Variants in GPR108 observed in about 807,000 individuals in gnomAD.
GPR108 encodes protein GPR108.
Under a neutral mutation model 74.3 loss-of-function variants are expected in GPR108, and 60 were observed. The ratio of observed to expected loss-of-function variants is 0.81; its 90% CI spans 0.66 to 1.00. The LOEUF (loss-of-function observed/expected upper bound fraction) is 1.00, where lower values mean the gene tolerates loss of function less well. Ranked by LOEUF, GPR108 falls within the 50% of genes least tolerant of loss-of-function variation. The pLI is 0.00. For synonymous variants in GPR108, 311 were observed against 292.4 expected (o/e 1.06, Z -0.65); for missense variants, 667 against 703.3 (o/e 0.95, Z 0.58).
In GPR108 at chr19:6,731,993, G is replaced by A. The variant is rs201243109; in HGVS notation, c.1256+32C>T. 809 of 1,613,558 alleles carry A rather than the reference G, an allele frequency of 5.0e-4. 1 individual carries two copies. In the African/African-American group the frequency reaches 8.6e-3, roughly 17 times the overall value. Reference sequence around the variant, plus strand: ...CGCGGACATCGCCCATGTGCACAGGGCAGAGCCTCAGCCCGGGGGCAGGGT... The same window carrying A: ...CGCGGACATCGCCCATGTGCACAGGACAGAGCCTCAGCCCGGGGGCAGGGT... On this transcript the variant is annotated intron_variant, in intron 13 of 17. Transcript: ENST00000264080.
rs774842298 is a variant in GPR108, at chr19:6,735,978, A to T, written c.241-20T>A. 17 of 1,597,796 alleles carry T rather than the reference A, an allele frequency of 1.1e-5. No homozygotes were observed. The highest frequency in any genetic ancestry group is 1.7e-5 in the Admixed American group (1 of 58,596). On this transcript the variant is annotated intron_variant, in intron 2 of 17. Coordinates refer to ENST00000264080, the MANE Select transcript of GPR108 (RefSeq NM_001080452.2). ...CCCCACCTGGTGGGTGGAAAAAAAAAGGGGAGGGTGTGAGGGACAGTAGAG... is the reference window on the plus strand; with the variant it reads ...CCCCACCTGGTGGGTGGAAAAAAAATGGGGAGGGTGTGAGGGACAGTAGAG...
intron 4 of GPR108, 112 bp downstream of exon 4, chr19:6,735,510 G>C: frequency 1.1e-6 from 1 of 891,232 alleles, no homozygotes; most frequent in Non-Finnish European, 1.8e-6. Flanking sequence ...TAAAAAGTAA[G>C]TGGCTTTCTC....
intron 1 of GPR108, 146 bp downstream of exon 1, chr19:6,737,311 A>ATC: frequency 1.9e-6 from 2 of 1,056,688 alleles, no homozygotes; most frequent in Non-Finnish European, 2.6e-6. Flanking sequence ...CCGGGACGAG[A>ATC]CCACTCCGGG....
At chr19:6,737,066 C>T (rs148380464) in intron 1 of GPR108, 6 of 385,730 alleles carry the variant, frequency 1.6e-5, no homozygotes, top group African/African-American at 1.2e-4. Flanking sequence ...TCAACAGAAC[C>T]CCCCAAATCC....
Position 6,731,016 on chromosome 19 carries a change from C to T in GPR108, c.1530G>A (p.Glu510=), listed in dbSNP as rs368257928. 4 of 1,613,650 alleles carry T rather than the reference C, an allele frequency of 2.5e-6. No individual in the cohort carries two copies. In the Middle Eastern group the frequency reaches 5.0e-4, roughly 200 times the overall value. Reference sequence around the variant, plus strand: ...GCTCCATCTGAACATCCTCCTCGTCCTCCTGGGGCAGCTGCAGGTACGGGT... The same window carrying T: ...GCTCCATCTGAACATCCTCCTCGTCTTCCTGGGGCAGCTGCAGGTACGGGT... ...GNNPYLQLPQ[E]DEEDVQMEQV... The change falls in exon 17 of 18, where the codon GAG becomes GAA. Residue 510 remains glutamate (E), a synonymous_variant. Transcript: ENST00000264080.
intron 1 of GPR108, 98 bp downstream of exon 1, chr19:6,737,359 G>A: frequency 1.3e-5 from 18 of 1,379,198 alleles, no homozygotes; most frequent in Non-Finnish European, 1.7e-5. Context: ...CCACCGCCTC[G>A]GGGACGGGGG....
At chr19:6,735,322 G>A (rs761848001) in intron 4 of GPR108, 13 of 283,966 alleles carry the variant, frequency 4.6e-5, no homozygotes, top group East Asian at 1.5e-4. Context: ...CACAGGATAA[G>A]GAATGGGTGA....
At chr19:6,732,664 GAAT>G (rs1277734345) in intron 10 of GPR108, 115 bp from the exon 11 acceptor site, 1 of 816,762 alleles carries the variant, frequency 1.2e-6, no homozygotes, top group Non-Finnish European at 2.0e-6. Flanking sequence ...TCAGAAAGTT[GAAT>G]AATGAGGACG....
In GPR108 at chr19:6,730,277, G is replaced by A. The variant is rs1301400041; in HGVS notation, c.*35C>T. The A allele has an allele frequency of 6.3e-7, 1 of 1,583,484 alleles. No individual in the cohort carries two copies. Among genetic ancestry groups the A allele is most frequent in the East Asian group, 2.2e-5 (1 of 44,724 alleles). On this transcript the variant is annotated 3_prime_UTR_variant, in exon 18 of 18. Coordinates refer to ENST00000264080, the MANE Select transcript of GPR108 (RefSeq NM_001080452.2). ...AAGGGCAGGAGTGAGAAATGCTGGG[G>A]GAGGACGACCCTTTGGTCTGAGATG...
In GPR108 at chr19:6,733,669, G is replaced by T. The variant is rs1334388568; in HGVS notation, c.624C>A (p.His208Gln). The T allele has an allele frequency of 6.2e-7, 1 of 1,613,952 alleles. No homozygotes were observed. The highest frequency in any genetic ancestry group is 8.5e-7 in the Non-Finnish European group (1 of 1,179,834). Residue 208 changes from histidine to glutamine, a missense_variant, in exon 8 of 18, where the codon CAC (histidine) becomes CAA (glutamine). His to Gln is a conservative substitution (Grantham distance 24). Coordinates refer to ENST00000264080, the MANE Select transcript of GPR108 (RefSeq NM_001080452.2). ...CTTCCGCCTGAGAGCCGATCACCAC[G>T]TGGAACTGGGCGGGCGGGGAGAGAG... ...HLNNSYNFSF[H>Q]VVIGSQAEEG... is the part of the protein sequence containing the mutation.
chr19:6,733,416 C>G, intron 8 of GPR108, 115 bp from the exon 9 acceptor site: 1 of 1,315,914 alleles, frequency 7.6e-7, no homozygotes, highest in Non-Finnish European at 1.1e-6. Flanking sequence ...CTCATCCACT[C>G]TGAGCCTCAG....
chr19:6,731,407 G>A, intron 15 of GPR108, 66 bp downstream of exon 15: 1 of 1,496,912 alleles, frequency 6.7e-7, no homozygotes, highest in Non-Finnish European at 9.0e-7. Flanking sequence ...CAGCTGAGGG[G>A]CTGGGGTGGG....
Position 6,734,208 on chromosome 19 carries a change from G to T in GPR108, c.474C>A (p.Ala158=), listed in dbSNP as rs1474744429. ...CGCCATCCACCTTGCGGGGGACTGT[G>T]GCCTGTGGCTTCGGGAGCCCTGGTT... is the stretch of plus-strand genomic sequence containing the variant. ...PSKPGLPKPQ[A]TVPRKVDGGG... is the part of the protein sequence containing the mutation. The change falls in exon 5 of 18, where the codon GCC becomes GCA. Residue 158 remains alanine, a synonymous_variant. Transcript: ENST00000264080. 1 of 1,614,228 alleles carries T rather than the reference G, an allele frequency of 6.2e-7. No individual in the cohort carries two copies. Among genetic ancestry groups the T allele is most frequent in the South Asian group, 1.1e-5 (1 of 91,082 alleles).
chr19:6,736,425 T>C (rs548448651), intron 2 of GPR108, among the ~76,000 whole-genome samples, 167 bp downstream of exon 2: 2 of 152,240 alleles, frequency 1.3e-5, no homozygotes, highest in African/African-American at 4.8e-5. Flanking sequence ...GAAAAGTGCC[T>C]AGCACATCCT....
chr19:6,732,488 T>A lies in GPR108; in HGVS notation c.995A>T (p.Tyr332Phe). The A allele has an allele frequency of 6.2e-7, 1 of 1,613,632 alleles. No individual in the cohort carries two copies. Among genetic ancestry groups the A allele is most frequent in the East Asian group, 2.2e-5 (1 of 44,828 alleles). ...HPIEGLAVMY[Y>F]IAHLLKGALL... ...GGGGGACACTCACAGGTGTGCGATG[T>A]AGTACATGACGGCAAGGCCTTCGAT... Residue 332 changes from tyrosine to phenylalanine, a missense_variant, in exon 11 of 18, where the codon TAC becomes TTC. Tyr to Phe is a conservative substitution (Grantham distance 22). Coordinates refer to ENST00000264080, the MANE Select transcript of GPR108 (RefSeq NM_001080452.2).
chr19:6,737,319 G>C, intron 1 of GPR108, 138 bp downstream of exon 1: 2 of 1,138,478 alleles, frequency 1.8e-6, no homozygotes, highest in Non-Finnish European at 2.4e-6. Context: ...AGACCACTCC[G>C]GGCCCGGAAA....
chr19:6,737,039 G>T (rs1968666799), intron 1 of GPR108: 7 of 410,076 alleles, frequency 1.7e-5, no homozygotes, highest in Non-Finnish European at 3.2e-5. Context: ...CATTCCAGTT[G>T]AGCTCCCAGC....
rs984424770 is a variant in GPR108, at chr19:6,733,445, T to C, written c.723+125A>G. On this transcript the variant is annotated intron_variant, in intron 8 of 17. Transcript: ENST00000264080. ...GCCTCAGTTGGCCCCGTCTCTCAAA[T>C]GGGTATAACAGCTCCTACTTCGCAC... 1.2e-5 allele frequency: 16 copies of C among 1,280,892 alleles called. No homozygotes were observed. The Middle Eastern group carries it at 1.2e-3, about 97-fold the overall frequency. The allele number at this position is 1,280,892 out of a possible 1,614,324, so 79.3% of individuals were successfully genotyped here.
chr19:6,733,506 A>G (rs339395), intron 8 of GPR108, 64 bp downstream of exon 8: 866,425 of 1,513,046 alleles, frequency 0.57, 249,507 homozygotes, highest in African/African-American at 0.65. Flanking sequence ...GGGGTGAGGC[A>G]CTCTGGGCCC....
Sources: gnomAD v4.1 joint callset for allele counts (sites outside exome capture counted in the v4.1 genomes callset) on GRCh38, gnomAD v4.1.1 for gene constraint, MANE v1.5 for transcripts, NCBI Gene and HGNC (gene_info 2026-07-23, HGNC 2026-07-21) for gene names.